NEGR1: variants seen among roughly 807,000 people sequenced by gnomAD.
NEGR1 encodes the protein IgLON family member 4.
A neutral mutation model predicts 40.9 loss-of-function variants in NEGR1; 10 were observed. The observed-to-expected ratio is 0.24, with a 90% confidence interval of 0.15 to 0.42. NEGR1 has a LOEUF of 0.42. Among genes scored for constraint, NEGR1 ranks in the 10% least tolerant of loss-of-function variants. NEGR1 has a pLI of 1.00. For synonymous variants in NEGR1, 185 were observed against 166.8 expected (o/e 1.11, Z -0.84); for missense variants, 352 against 438.9 (o/e 0.80, Z 1.77).
At chr1:71,646,300 C>T (rs908410571) in intron 4 of NEGR1, among the ~76,000 whole-genome samples, 3 of 151,598 alleles carry the variant, frequency 2.0e-5, no homozygotes, top group Non-Finnish European at 4.4e-5. Flanking sequence ...TTTCTTTGAT[C>T]TCCTAAGGAA....
chr1:72,026,563 C>T (rs1646812259), intron 1 of NEGR1, among the ~76,000 whole-genome samples: 1 of 152,050 alleles, frequency 6.6e-6, no homozygotes, highest in Admixed American at 6.5e-5. Flanking sequence ...AAAAAACCCT[C>T]ATTCCTTCTA....
chr1:71,944,636 G>A (rs1347970415), intron 1 of NEGR1, among the ~76,000 whole-genome samples: 3 of 152,146 alleles, frequency 2.0e-5, no homozygotes, highest in East Asian at 1.9e-4. Flanking sequence ...ATAAACTTAT[G>A]CTACTTTACA....
intron 1 of NEGR1, among the ~76,000 whole-genome samples, chr1:71,994,209 ATAAGACAT>A (rs1261196158): frequency 6.6e-6 from 1 of 152,186 alleles, no homozygotes; most frequent in African/African-American, 2.4e-5. Flanking sequence ...CCTAAAGGTG[ATAAGACAT>A]TAAATATGAG....
intron 2 of NEGR1, among the ~76,000 whole-genome samples, chr1:71,911,594 G>A (rs116257219): frequency 0.016 from 2,363 of 152,234 alleles, 46 homozygotes; most frequent in South Asian, 0.1. Context: ...AGAAAGAATA[G>A]TGGCCAAGAA....
At chr1:71,573,422 A>C (rs1055424228) in intron 6 of NEGR1, 1 of 152,364 alleles carries the variant, frequency 6.6e-6, no homozygotes, top group Non-Finnish European at 1.5e-5. Context: ...TTCTGATTCC[A>C]TGGTCACCAA....
chr1:72,063,555 T>A (rs899638931), intron 1 of NEGR1, among the ~76,000 whole-genome samples: 2 of 151,968 alleles, frequency 1.3e-5, no homozygotes, highest in African/African-American at 4.8e-5. Context: ...GACTTTAGAA[T>A]GAGTCACTTA....
chr1:71,401,970 G>A lies in NEGR1; in HGVS notation c.*5476C>T, dbSNP rs1646249404. ...CCTCTGCAGGTATTGGAAAATACAA[G>A]GATGTCATAAATATCTATATTTATA... On this transcript the variant is annotated 3_prime_UTR_variant, in exon 7 of 7. Transcript: ENST00000357731. The A allele has an allele frequency of 6.6e-6, 1 of 151,760 alleles. No homozygotes were observed. Among genetic ancestry groups the A allele is most frequent in the African/African-American group, 2.4e-5 (1 of 41,304 alleles). 9.4% of individuals were successfully genotyped at this position (151,760 alleles called of 1,614,324 possible).
intron 1 of NEGR1, among the ~76,000 whole-genome samples, chr1:72,204,572 G>A (rs531176057): frequency 3.9e-5 from 6 of 152,266 alleles, no homozygotes; most frequent in Admixed American, 3.9e-4. Context: ...TTCACAGCAT[G>A]TGAAAACAAT....
At chr1:71,942,491 T>A (rs370942611) in intron 1 of NEGR1, among the ~76,000 whole-genome samples, 437 of 16,570 alleles carry the variant, frequency 0.026, no homozygotes, top group African/African-American at 0.035. Flanking sequence ...ATATTTTTTT[T>A]TTTTTTTTTT....
chr1:72,266,367 T>C (rs1047466320), intron 1 of NEGR1, among the ~76,000 whole-genome samples: 1 of 150,854 alleles, frequency 6.6e-6, no homozygotes, highest in Non-Finnish European at 1.5e-5. Flanking sequence ...TCAGTACTAA[T>C]AGTAGTACTA....
intron 1 of NEGR1, among the ~76,000 whole-genome samples, chr1:72,097,943 C>T (rs1438698731): frequency 2.0e-5 from 3 of 152,166 alleles, no homozygotes. Context: ...TCTGTGTGCC[C>T]TTTGCATTGG....
Position 71,611,052 on chromosome 1 carries a change from G to C in NEGR1, c.762C>G (p.Ala254=). ...RCEGAGVPPP[A]FEWYKGEKKL... ...TCTTCTCTCCTTTGTACCATTCAAA[G>C]GCTGGAGGCGGCACACCTGCACCTT... The change falls in exon 5 of 7, where the codon GCC becomes GCG. Residue 254 remains alanine (A), a synonymous_variant. Transcript: ENST00000357731. The C allele has an allele frequency of 6.2e-7, 1 of 1,613,998 alleles. No homozygotes were observed. Among genetic ancestry groups the C allele is most frequent in the Non-Finnish European group, 8.5e-7 (1 of 1,179,930 alleles).
intron 6 of NEGR1, among the ~76,000 whole-genome samples, chr1:71,558,593 C>T (rs1648331475): frequency 6.6e-6 from 1 of 151,288 alleles, no homozygotes; most frequent in Admixed American, 6.6e-5. Context: ...AATATAGCAC[C>T]ATCAATATTT....
chr1:72,270,328 T>A (rs1396734621), intron 1 of NEGR1, among the ~76,000 whole-genome samples: 1 of 151,860 alleles, frequency 6.6e-6, no homozygotes, highest in Non-Finnish European at 1.5e-5. Context: ...ATATGCAGAA[T>A]TAGGACAAGC....
At position 71,404,872 on chromosome 1, in the gene NEGR1, A is replaced by G. The variant is rs1326387083; in HGVS notation, c.*2574T>C. ...AAAATGGGGTAATCAGACATTTTATATGTCCATAAATGTAAAATCATCTAC... is the reference window on the plus strand; with the variant it reads ...AAAATGGGGTAATCAGACATTTTATGTGTCCATAAATGTAAAATCATCTAC... On this transcript the variant is annotated 3_prime_UTR_variant, in exon 7 of 7. Coordinates refer to ENST00000357731, the MANE Select transcript of NEGR1 (RefSeq NM_173808.3). The G allele has an allele frequency of 2.0e-5, 3 of 152,260 alleles. No individual in the cohort carries two copies. Among genetic ancestry groups the G allele is most frequent in the African/African-American group, 4.8e-5 (2 of 41,432 alleles). 9.4% of individuals were successfully genotyped at this position (152,260 alleles called of 1,614,324 possible). A position where few individuals can be genotyped will look rare whatever the true frequency, so the allele number is the denominator to read the frequency against.
chr1:72,258,706 G>T (rs926012254), intron 1 of NEGR1, among the ~76,000 whole-genome samples: 1 of 151,938 alleles, frequency 6.6e-6, no homozygotes, highest in African/African-American at 2.4e-5. Flanking sequence ...AATTCAAAAT[G>T]ATAATGAGTA....
chr1:71,766,522 T>C (rs1323764205), intron 3 of NEGR1, among the ~76,000 whole-genome samples: 2 of 152,162 alleles, frequency 1.3e-5, no homozygotes, highest in East Asian at 1.9e-4. Context: ...TATCAATTAA[T>C]AAAAACCACC....
chr1:72,042,040 T>C (rs1646961398), intron 1 of NEGR1, among the ~76,000 whole-genome samples: 1 of 148,970 alleles, frequency 6.7e-6, no homozygotes, highest in Admixed American at 6.7e-5. Flanking sequence ...TATATATATA[T>C]ATCTATTTGA....
intron 2 of NEGR1, among the ~76,000 whole-genome samples, chr1:71,828,011 C>A (rs937807220): frequency 2.6e-5 from 4 of 151,998 alleles, no homozygotes; most frequent in East Asian, 3.9e-4. Context: ...CATCTAAAAT[C>A]TCAGAATCAA....
Sources: allele counts gnomAD v4.1 joint callset (sites outside exome capture counted in the v4.1 genomes callset), GRCh38; gene constraint gnomAD v4.1.1; transcripts MANE v1.5; gene names NCBI Gene and HGNC (gene_info 2026-07-23, HGNC 2026-07-21).